Variants in ERI1 observed in about 807,000 individuals in gnomAD.
ERI1 encodes exoribonuclease 1, also known as 3'-5' exoribonuclease 1.
ERI1 carries 39 observed loss-of-function variants against 39.7 expected under a neutral mutation model. The observed-to-expected ratio is 0.98, with a 90% confidence interval of 0.76 to 1.28. The LOEUF (loss-of-function observed/expected upper bound fraction) is 1.28, where lower values mean the gene tolerates loss of function less well. Among genes scored for constraint, ERI1 ranks in the 50% most tolerant of loss-of-function variants. ERI1 has a pLI of 0.00. For synonymous variants in ERI1, 204 were observed against 149.6 expected, an observed-to-expected ratio of 1.36 and a Z score of -2.65; for missense variants, 581 against 416.9, an observed-to-expected ratio of 1.39 and a Z score of -3.43.
intron 3 of ERI1, among the ~76,000 whole-genome samples, chr8:9,084,868 T>G (rs1407746165): frequency 6.6e-6 from 1 of 152,192 alleles, no homozygotes; most frequent in Non-Finnish European, 1.5e-5. Context: ...ACACAAGCAC[T>G]TCAGTCGCTC....
intron 3 of ERI1, among the ~76,000 whole-genome samples, chr8:9,060,444 G>C (rs1798655033): frequency 6.6e-6 from 1 of 152,244 alleles, no homozygotes; most frequent in East Asian, 1.9e-4. Flanking sequence ...TGTAGCGAAG[G>C]GAGGGGGCCG....
At chr8:9,096,552 A>G (rs1585307542) in intron 3 of ERI1, among the ~76,000 whole-genome samples, 1 of 152,230 alleles carries the variant, frequency 6.6e-6, no homozygotes, top group African/African-American at 2.4e-5. Flanking sequence ...GAGGATGATC[A>G]GGAGGGAGGA....
rs938649358 is a variant in ERI1, at chr8:9,031,251, A to T, written c.*1217A>T. On this transcript the variant is annotated 3_prime_UTR_variant, in exon 7 of 7. Coordinates refer to ENST00000250263, the MANE Select transcript of ERI1 (RefSeq NM_153332.4). ...GATGAATTTCCTCAAAGGTTTCCAA[A>T]CCTATATCATATAGGGTGAAAAGCA... is the stretch of plus-strand genomic sequence containing the variant. The T allele has an allele frequency of 4.6e-5, 7 of 152,142 alleles. No individual in the cohort carries two copies. The highest frequency in any genetic ancestry group is 1.7e-4 in the African/African-American group (7 of 41,430). The allele number at this position is 152,142 out of a possible 1,614,324, so 9.4% of individuals were successfully genotyped here.
rs111260931 is a variant in ERI1 at position 9,007,863 on chromosome 8, T to C, written c.109-107T>C. ...AACACTTTTCATTGAACATGTAGCA[T>C]GAAGAGGCTTCAGAAGTTTGAAAGT... On this transcript the variant is annotated intron_variant, in intron 1 of 6. Transcript: ENST00000250263. 10,817 of 1,452,240 alleles carry C rather than the reference T, an allele frequency of 7.4e-3. 321 individuals carry two copies. In the South Asian group the frequency reaches 0.081, roughly 11 times the overall value. 90.0% of individuals were successfully genotyped at this position (1,452,240 alleles called of 1,614,324 possible).
intron 3 of ERI1, among the ~76,000 whole-genome samples, chr8:9,092,353 G>A (rs763946379): frequency 5.9e-5 from 9 of 152,132 alleles, no homozygotes; most frequent in Non-Finnish European, 1.0e-4. Context: ...TTGGCTTCTC[G>A]TTCTGTTCAG....
At position 9,011,701 on chromosome 8, in the gene ERI1, T is replaced by A. The variant is rs754521421; in HGVS notation, c.447T>A (p.His149Gln). Residue 149 changes from histidine (H) to glutamine (Q), a missense_variant, in exon 3 of 7, where the codon CAT (histidine) becomes CAA (glutamine). Transcript: ENST00000250263. ...AAGGAAACCCACCTGAGTTTGTACA[T>A]GAAATAATTGAATTTCCGGTTGTTT... ...CEEGNPPEFVHEIIEFPVVLL... is the reference protein window; with the variant it reads ...CEEGNPPEFVQEIIEFPVVLL... The A allele has an allele frequency of 1.2e-6, 2 of 1,612,036 alleles. No individual in the cohort carries two copies. The highest frequency in any genetic ancestry group is 1.7e-4 in the Middle Eastern group (1 of 6,040).
At chr8:9,003,887 G>A (rs1415848148) in intron 1 of ERI1, among the ~76,000 whole-genome samples, 1 of 152,192 alleles carries the variant, frequency 6.6e-6, no homozygotes, top group Non-Finnish European at 1.5e-5. Context: ...GTATTTGCAA[G>A]AGGCCTCCTA....
intron 3 of ERI1, among the ~76,000 whole-genome samples, chr8:9,040,708 A>G (rs1797988382): frequency 6.9e-6 from 1 of 145,252 alleles, no homozygotes; most frequent in Admixed American, 6.9e-5. Context: ...AAATGTTTTC[A>G]TCAGTAATAT....
At chr8:9,064,939 A>T (rs1264686717) in intron 3 of ERI1, among the ~76,000 whole-genome samples, 1 of 152,148 alleles carries the variant, frequency 6.6e-6, no homozygotes, top group Non-Finnish European at 1.5e-5. Flanking sequence ...GGATTTGGGT[A>T]AGTAAAGGAA....
At chr8:9,015,740 A>AAAAAAAAAAAAAAAG (rs1182633803) in intron 3 of ERI1, among the ~76,000 whole-genome samples, 12 of 148,522 alleles carry the variant, frequency 8.1e-5, no homozygotes, top group South Asian at 6.3e-4. Context: ...AAAAAAAAAA[A>AAAAAAAAAAAAAAAG]AGAGACCATC....
downstream of ERI1, among the ~76,000 whole-genome samples, chr8:9,037,628 G>C (rs13273871): frequency 0.15 from 22,395 of 151,962 alleles, 1,847 homozygotes; most frequent in African/African-American, 0.2. Flanking sequence ...AATGTATCTT[G>C]TAAGGTTAGT....
Position 9,003,010 on chromosome 8 carries a change from T to G in ERI1, c.-54T>G. ...GGCGAGGCTTTCGGGCTCTGCAGAG[T>G]GAGAGTTAGCAAGTGTCCGGCTCCA... On this transcript the variant is annotated 5_prime_UTR_variant, in exon 1 of 7. Coordinates refer to ENST00000250263, the MANE Select transcript of ERI1 (RefSeq NM_153332.4). 8.9e-7 allele frequency: 1 copy of G among 1,119,546 alleles called. No individual in the cohort carries two copies. The highest frequency in any genetic ancestry group is 1.1e-6 in the Non-Finnish European group (1 of 874,516). The allele number at this position is 1,119,546 out of a possible 1,614,324, so 69.4% of individuals were successfully genotyped here.
At chr8:9,026,847 C>A (rs935788827) in intron 6 of ERI1, among the ~76,000 whole-genome samples, 4 of 145,588 alleles carry the variant, frequency 2.7e-5, no homozygotes, top group Admixed American at 6.8e-5. Flanking sequence ...AATATTTAAC[C>A]TGTACCACGT....
intron 3 of ERI1, among the ~76,000 whole-genome samples, chr8:9,016,064 A>G (rs1037074139): frequency 2.0e-5 from 3 of 152,222 alleles, no homozygotes; most frequent in Non-Finnish European, 4.4e-5. Flanking sequence ...TTTGTTCCTC[A>G]GGAAAATAAT....
intron 1 of ERI1, 32 bp downstream of exon 1, chr8:9,003,203 G>C: frequency 8.2e-7 from 1 of 1,212,262 alleles, no homozygotes; most frequent in Non-Finnish European, 1.0e-6. Flanking sequence ...GGCTGTTGGC[G>C]CCAGCTGCCC....
chr8:9,008,530 A>G (rs1441264118), intron 2 of ERI1, among the ~76,000 whole-genome samples: 1 of 152,210 alleles, frequency 6.6e-6, no homozygotes, highest in African/African-American at 2.4e-5. Flanking sequence ...TTTGTTTGAA[A>G]TCAGGTACAA....
chr8:9,066,856 A>G (rs906620729), intron 3 of ERI1, among the ~76,000 whole-genome samples: 4 of 151,944 alleles, frequency 2.6e-5, no homozygotes, highest in African/African-American at 9.7e-5. Context: ...GCCTTGCCTC[A>G]CTGTTCTGAT....
At chr8:9,009,872 A>G (rs189383670) in intron 2 of ERI1, among the ~76,000 whole-genome samples, 1 of 152,314 alleles carries the variant, frequency 6.6e-6, no homozygotes, top group Admixed American at 6.5e-5. Context: ...AGTACACAGT[A>G]TACCTCAGGA....
At chr8:9,064,288 A>G (rs950812080) in intron 3 of ERI1, among the ~76,000 whole-genome samples, 1 of 151,682 alleles carries the variant, frequency 6.6e-6, no homozygotes, top group African/African-American at 2.4e-5. Flanking sequence ...GGGTGGAGAC[A>G]TGGAGAGAAG....
Sources: allele counts gnomAD v4.1 joint callset (sites outside exome capture counted in the v4.1 genomes callset), GRCh38; gene constraint gnomAD v4.1.1; transcripts MANE v1.5; gene names NCBI Gene and HGNC (gene_info 2026-07-23, HGNC 2026-07-21).